ABCG8: variants seen among roughly 807,000 people sequenced by gnomAD.
ABCG8 encodes ATP-binding cassette sub-family G member 8.
ABCG8 carries 81 observed loss-of-function variants against 71.3 expected under a neutral mutation model. The ratio of observed to expected loss-of-function variants is 1.14; its 90% CI spans 0.95 to 1.37. The LOEUF is 1.37. Among genes scored for constraint, ABCG8 ranks in the 40% most tolerant of loss-of-function variants. The probability of loss-of-function intolerance (pLI) is 0.00; values close to 1 mark genes in which losing one functional copy is unlikely to be tolerated. For synonymous variants in ABCG8, 451 were observed against 354.7 expected, an observed-to-expected ratio of 1.27 and a Z score of -3.05; for missense variants, 1,119 against 866.2, an observed-to-expected ratio of 1.29 and a Z score of -3.66.
chr2:43,848,057 A>G (rs746841509), intron 3 of ABCG8: 1 of 151,996 alleles, frequency 6.6e-6, no homozygotes, highest in Non-Finnish European at 1.5e-5. Flanking sequence ...GAGTCACTGC[A>G]CCGAGCATCT....
chr2:43,870,624 TCTCA>T (rs1669731622), intron 6 of ABCG8, among the ~76,000 whole-genome samples: 1 of 152,052 alleles, frequency 6.6e-6, no homozygotes, highest in Non-Finnish European at 1.5e-5. Context: ...TGGATAGAAC[TCTCA>T]CTATCTGTGT....
In ABCG8 at chr2:43,851,835, C is replaced by A. The variant is rs930440582; in HGVS notation, c.561+13C>A. On this transcript the variant is annotated intron_variant, in intron 4 of 12. Coordinates refer to ENST00000272286, the MANE Select transcript of ABCG8 (RefSeq NM_022437.3). ...GCGTGACAAAAGGGTAACTAACTGG[C>A]CCCAGTGGTGACCCCCAGGTCCAAG... 3.1e-6 allele frequency: 5 copies of A among 1,613,148 alleles called. No individual in the cohort carries two copies. Among genetic ancestry groups the A allele is most frequent in the East Asian group, 4.5e-5 (2 of 44,886 alleles).
chr2:43,839,898 G>C (rs1166864203), intron 1 of ABCG8, among the ~76,000 whole-genome samples: 1 of 152,174 alleles, frequency 6.6e-6, no homozygotes. Flanking sequence ...GCTCTAACAG[G>C]CAATCGTAAG....
In ABCG8 at chr2:43,875,096, T is replaced by C. The variant is rs4148220; in HGVS notation, c.1489-50T>C. The stretch of plus-strand genomic sequence containing the variant: ...TGCTACTTTTAAACGTTTATAATAA[T>C]GGCAGTGAAGGTGCTGGCTTCATAT... On this transcript the variant is annotated intron_variant, in intron 10 of 12. Coordinates refer to ENST00000272286, the MANE Select transcript of ABCG8 (RefSeq NM_022437.3). 0.2 allele frequency: 326,053 copies of C among 1,613,022 alleles called. 38,191 individuals are homozygous for C. The highest frequency in any genetic ancestry group is 0.47 in the East Asian group (21,159 of 44,872).
chr2:43,864,676 A>G (rs1293168041), intron 6 of ABCG8, among the ~76,000 whole-genome samples: 2 of 151,550 alleles, frequency 1.3e-5, no homozygotes, highest in African/African-American at 4.8e-5. Flanking sequence ...CAATCTCTGC[A>G]TAGAACTCTC....
intron 8 of ABCG8, 67 bp downstream of exon 8, chr2:43,872,373 C>A: frequency 6.7e-7 from 1 of 1,491,644 alleles, no homozygotes; most frequent in East Asian, 2.4e-5. Flanking sequence ...CACATTAAGC[C>A]CTTTCTATTA....
intron 3 of ABCG8, chr2:43,846,913 T>A (rs1166967007): frequency 5.7e-6 from 1 of 176,680 alleles, no homozygotes; most frequent in East Asian, 1.4e-4. Context: ...CCTACCAGTT[T>A]GGAAGCATTT....
At position 43,871,985 on chromosome 2, in the gene ABCG8, C is replaced by G. The variant is rs372660816; in HGVS notation, c.974C>G (p.Thr325Ser). The G allele has an allele frequency of 1.9e-6, 3 of 1,613,924 alleles. No homozygotes were observed. Among genetic ancestry groups the G allele is most frequent in the Non-Finnish European group, 1.7e-6 (2 of 1,180,052 alleles). The change falls in exon 7 of 13, where the codon ACC becomes AGC. Residue 325 changes from threonine (T) to serine (S), a missense_variant. Thr to Ser is a moderately conservative substitution (Grantham distance 58, BLOSUM62 1). Transcript: ENST00000272286. ...SNPADFYVDL[T>S]SIDRRSREQE... ...CATCCCCTGCTTGCAGTGGACCTGA[C>G]CAGCATTGACAGGCGCAGCAGAGAG... is the stretch of plus-strand genomic sequence containing the variant.
chr2:43,874,491 G>A lies in ABCG8; in HGVS notation c.1488+8G>A. 4 of 1,597,306 alleles carry A rather than the reference G, an allele frequency of 2.5e-6. No individual in the cohort carries two copies. Among genetic ancestry groups the A allele is most frequent in the Non-Finnish European group, 3.4e-6 (4 of 1,173,456 alleles). Reference sequence around the variant, plus strand: ...CCATATTTCTTTGCCAAGGTGACTGGGCAGGGTTGAGAGCAAGTGCCCCCC... The same window carrying A: ...CCATATTTCTTTGCCAAGGTGACTGAGCAGGGTTGAGAGCAAGTGCCCCCC... On this transcript the variant is annotated splice_region_variant and intron_variant, in intron 10 of 12. Coordinates refer to ENST00000272286, the MANE Select transcript of ABCG8 (RefSeq NM_022437.3).
At chr2:43,855,845 T>G (rs566933635) in intron 6 of ABCG8, among the ~76,000 whole-genome samples, 2 of 152,100 alleles carry the variant, frequency 1.3e-5, no homozygotes, top group African/African-American at 4.8e-5. Flanking sequence ...TCAGTGTATA[T>G]CTGGATAGAA....
chr2:43,857,882 G>C (rs933635715), intron 6 of ABCG8, among the ~76,000 whole-genome samples: 1 of 151,374 alleles, frequency 6.6e-6, no homozygotes, highest in African/African-American at 2.4e-5. Flanking sequence ...CGCTATCTCT[G>C]GATAGAAGTC....
At chr2:43,860,638 G>A (rs971907109) in intron 6 of ABCG8, among the ~76,000 whole-genome samples, 2 of 149,058 alleles carry the variant, frequency 1.3e-5, no homozygotes, top group Non-Finnish European at 3.0e-5. Flanking sequence ...TATCTGGATA[G>A]AACTCTCGCT....
chr2:43,875,683 G>A (rs1045873281), intron 11 of ABCG8, among the ~76,000 whole-genome samples: 3 of 152,164 alleles, frequency 2.0e-5, no homozygotes, highest in Non-Finnish European at 1.5e-5. Flanking sequence ...GAGCCAGGTC[G>A]ATTCTGCCTC....
chr2:43,871,679 A>G (rs1049245460), intron 6 of ABCG8, among the ~76,000 whole-genome samples: 4 of 152,180 alleles, frequency 2.6e-5, no homozygotes, highest in Non-Finnish European at 5.9e-5. Flanking sequence ...TGTCCTCAAA[A>G]TGAGCCTGGG....
In ABCG8 at chr2:43,879,688, C is replaced by T. The variant is rs1280379569; in HGVS notation, c.*1775C>T. The T allele has an allele frequency of 6.6e-6, 1 of 152,182 alleles. No individual in the cohort carries two copies. Among genetic ancestry groups the T allele is most frequent in the Non-Finnish European group, 1.5e-5 (1 of 68,020 alleles). 9.4% of individuals were successfully genotyped at this position (152,182 alleles called of 1,614,324 possible). ...TCTAGTTCTCAAGTCTCTTTTGTCT[C>T]TTTCAGTTTAGGAACAGTTTGTCAA... On this transcript the variant is annotated 3_prime_UTR_variant, in exon 13 of 13. Transcript: ENST00000272286.
At chr2:43,866,801 A>T (rs1669545866) in intron 6 of ABCG8, among the ~76,000 whole-genome samples, 1 of 150,928 alleles carries the variant, frequency 6.6e-6, no homozygotes, top group Admixed American at 6.6e-5. Context: ...TTCCTCAGGG[A>T]TCTAGAACTA....
intron 3 of ABCG8, among the ~76,000 whole-genome samples, chr2:43,849,706 G>A (rs372589360): frequency 2.0e-5 from 3 of 152,232 alleles, no homozygotes; most frequent in East Asian, 3.9e-4. Flanking sequence ...GAATGTTGGT[G>A]AAGTCCTCTG....
rs189854711 is a variant in ABCG8 at position 43,846,620 on chromosome 2, A to T, written c.322+309A>T. On this transcript the variant is annotated intron_variant, in intron 3 of 12. Coordinates refer to ENST00000272286, the MANE Select transcript of ABCG8 (RefSeq NM_022437.3). ...GATCAGCAAACAGCTCCAGCATGTA[A>T]TGTTCTTTTCAGACTCCTCCAGCCA... 8.8e-4 allele frequency: 346 copies of T among 394,566 alleles called. 4 individuals are homozygous for T. Among genetic ancestry groups the T allele is most frequent in the African/African-American group, 6.6e-3 (320 of 48,340 alleles). The allele number at this position is 394,566 out of a possible 1,614,324, so 24.4% of individuals were successfully genotyped here.
chr2:43,874,287 A>AAAT, intron 9 of ABCG8, 120 bp from the exon 10 acceptor site: 1 of 975,998 alleles, frequency 1.0e-6, no homozygotes, highest in South Asian at 1.4e-5. Flanking sequence ...TTAAAAAAAA[A>AAAT]AATTAGAGAC....
Sources: gnomAD v4.1 joint callset for allele counts (sites outside exome capture counted in the v4.1 genomes callset) on GRCh38, gnomAD v4.1.1 for gene constraint, MANE v1.5 for transcripts, NCBI Gene and HGNC (gene_info 2026-07-23, HGNC 2026-07-21) for gene names.